Variants in STAM observed in about 807,000 individuals in gnomAD.
STAM encodes the protein signal transducing adaptor molecule.
In STAM, 16 loss-of-function variants were observed where a neutral mutation model predicts 63.4. The observed-to-expected ratio is 0.25, with a 90% CI of 0.17 to 0.38. The LOEUF is 0.38. Among genes scored for constraint, STAM ranks in the 10% least tolerant of loss-of-function variants. STAM has a pLI of 1.00. For synonymous variants in STAM, 238 were observed against 223.9 expected (o/e 1.06, Z -0.56); for missense variants, 636 against 657.1 (o/e 0.97, Z 0.35).
At chr10:17,651,252 G>T (rs1833730935) in intron 1 of STAM, among the ~76,000 whole-genome samples, 3 of 151,960 alleles carry the variant, frequency 2.0e-5, no homozygotes, top group Non-Finnish European at 4.4e-5. Flanking sequence ...GTGCTCTTCA[G>T]GTGTGGATCC....
rs781862985 is a variant in STAM at position 17,695,080 on chromosome 10, G to A, written c.567G>A (p.Gln189=). Residue 189 remains glutamine, a synonymous_variant, in exon 7 of 14, where the codon CAG becomes CAA. Coordinates refer to ENST00000377524, the MANE Select transcript of STAM (RefSeq NM_003473.4). ...AIELSLKEQR[Q]QSTTLSTLYP... is the part of the protein sequence containing the mutation. ...AGTTGTCTCTCAAGGAACAAAGGCA[G>A]CAGTCAACCACCCTTTCCACTTTGT... The A allele has an allele frequency of 2.7e-5, 44 of 1,613,730 alleles. No individual in the cohort carries two copies. Among genetic ancestry groups the A allele is most frequent in the Non-Finnish European group, 3.1e-5 (37 of 1,179,880 alleles).
chr10:17,685,661 T>C (rs1321146232), intron 4 of STAM, among the ~76,000 whole-genome samples: 1 of 152,184 alleles, frequency 6.6e-6, no homozygotes, highest in Non-Finnish European at 1.5e-5. Flanking sequence ...ACTTTATCAG[T>C]GCCTGAGAAT....
chr10:17,649,150 C>A (rs985008790), intron 1 of STAM, among the ~76,000 whole-genome samples: 10 of 152,170 alleles, frequency 6.6e-5, no homozygotes, highest in African/African-American at 2.2e-4. Context: ...ACGCCAGTAA[C>A]CCCTACACTT....
intron 3 of STAM, 21 bp downstream of exon 3, chr10:17,684,771 C>A (rs782750329): frequency 6.2e-7 from 1 of 1,613,596 alleles, no homozygotes; most frequent in Non-Finnish European, 8.5e-7. Flanking sequence ...TCATTTTAAT[C>A]TGTACCACGA....
intron 5 of STAM, among the ~76,000 whole-genome samples, chr10:17,688,966 G>A (rs1589081047): frequency 6.6e-6 from 1 of 152,080 alleles, no homozygotes; most frequent in African/African-American, 2.4e-5. Context: ...TTTAGAAGGG[G>A]TAAATGGGAA....
At chr10:17,683,524 A>AT (rs367804747) in intron 2 of STAM, among the ~76,000 whole-genome samples, 5 of 151,022 alleles carry the variant, frequency 3.3e-5, no homozygotes, top group East Asian at 3.9e-4. Flanking sequence ...AAATTTTTTC[A>AT]TTTTTTTTCT....
chr10:17,668,943 G>T (rs557376960), intron 2 of STAM, among the ~76,000 whole-genome samples: 9 of 152,130 alleles, frequency 5.9e-5, no homozygotes, highest in Non-Finnish European at 1.2e-4. Flanking sequence ...CTTTTGTGTT[G>T]ACATCGTTTT....
chr10:17,645,104 A>G (rs1441683719), intron 1 of STAM, among the ~76,000 whole-genome samples: 1 of 152,202 alleles, frequency 6.6e-6, no homozygotes, highest in Non-Finnish European at 1.5e-5. Context: ...TCAATTCAAT[A>G]GGTTTGCTTT....
intron 1 of STAM, among the ~76,000 whole-genome samples, chr10:17,659,507 G>C (rs1453659611): frequency 2.2e-5 from 2 of 89,352 alleles, no homozygotes; most frequent in African/African-American, 9.3e-5. Context: ...ATCTTGCTCT[G>C]TTGCCTAACT....
At position 17,660,474 on chromosome 10, in the gene STAM, C is replaced by G. The variant is rs544117337; in HGVS notation, c.51C>G (p.Thr17=). 1.9e-6 allele frequency: 3 copies of G among 1,591,372 alleles called. No individual in the cohort carries two copies. The African/African-American group carries it at 4.1e-5, about 22-fold the overall frequency. ...CTTTACAATCTACAGAGAAAGCAAC[C>G]AGCGAGATGAATACTGCTGAGGACT... ...NPFDQDVEKA[T]SEMNTAEDWG... Residue 17 remains threonine, a synonymous_variant, in exon 2 of 14, where the codon ACC becomes ACG. Coordinates refer to ENST00000377524, the MANE Select transcript of STAM (RefSeq NM_003473.4).
chr10:17,691,443 G>C (rs1273936512), intron 5 of STAM, among the ~76,000 whole-genome samples: 14 of 152,118 alleles, frequency 9.2e-5, no homozygotes, highest in Non-Finnish European at 1.6e-4. Flanking sequence ...GTGTGAACCC[G>C]GGAGGCGGAG....
chr10:17,685,227 T>C (rs1483038392), intron 4 of STAM, among the ~76,000 whole-genome samples: 1 of 152,252 alleles, frequency 6.6e-6, no homozygotes, highest in Non-Finnish European at 1.5e-5. Context: ...CTATTTTACA[T>C]ACTGTTTTTG....
Position 17,714,928 on chromosome 10 carries a change from C to T in STAM, c.*148C>T, listed in dbSNP as rs1201460929. On this transcript the variant is annotated 3_prime_UTR_variant, in exon 14 of 14. Transcript: ENST00000377524. ...CAAATATTCAAGAAGGTAGAACTCT[C>T]CTCAATTTACACTGACTTTTTAGAG... 3.9e-6 allele frequency: 3 copies of T among 761,454 alleles called. No homozygotes were observed. The highest frequency in any genetic ancestry group is 1.7e-5 in the African/African-American group (1 of 57,264). 47.2% of individuals were successfully genotyped at this position (761,454 alleles called of 1,614,324 possible). A position where few individuals can be genotyped will look rare whatever the true frequency, so the allele number is the denominator to read the frequency against.
At chr10:17,669,380 T>A (rs1834532954) in intron 2 of STAM, among the ~76,000 whole-genome samples, 1 of 151,482 alleles carries the variant, frequency 6.6e-6, no homozygotes, top group Non-Finnish European at 1.5e-5. Flanking sequence ...CCGGAAATGT[T>A]GTTTTAGATA....
intron 1 of STAM, among the ~76,000 whole-genome samples, chr10:17,650,449 C>T (rs1158182676): frequency 6.6e-6 from 1 of 152,174 alleles, no homozygotes; most frequent in Non-Finnish European, 1.5e-5. Flanking sequence ...TTTTTCTTCT[C>T]AATTATGCTT....
intron 2 of STAM, among the ~76,000 whole-genome samples, chr10:17,679,445 A>G (rs1221767020): frequency 1.3e-5 from 2 of 152,134 alleles, no homozygotes; most frequent in African/African-American, 4.8e-5. Context: ...AGTTCTTTAT[A>G]TATTCTGGCT....
intron 7 of STAM, 144 bp from the exon 8 acceptor site, chr10:17,696,631 A>G: frequency 1.7e-6 from 1 of 572,216 alleles, no homozygotes; most frequent in Non-Finnish European, 3.1e-6. Flanking sequence ...TTCTTTTGTA[A>G]TAAAGGAAGA....
chr10:17,652,377 C>T (rs1833774844), intron 1 of STAM, among the ~76,000 whole-genome samples: 1 of 152,088 alleles, frequency 6.6e-6, no homozygotes, highest in Admixed American at 6.5e-5. Flanking sequence ...CTGATCCATC[C>T]ATACAAATAT....
At chr10:17,694,976 A>G (rs1554827262) in intron 6 of STAM, 73 bp from the exon 7 acceptor site, 5 of 1,390,196 alleles carry the variant, frequency 3.6e-6, no homozygotes. Context: ...TTTTATCTTG[A>G]TGTCTTTTTC....
Sources: gnomAD v4.1 joint callset for allele counts (sites outside exome capture counted in the v4.1 genomes callset) on GRCh38, gnomAD v4.1.1 for gene constraint, MANE v1.5 for transcripts, NCBI Gene and HGNC (gene_info 2026-07-23, HGNC 2026-07-21) for gene names.